The following LYPD6 variants were observed in gnomAD, a reference collection of about 807,000 sequenced individuals.
The protein encoded by LYPD6 is LY6/PLAUR domain containing 6, also known as ly6/PLAUR domain-containing protein 6.
In LYPD6, 15 loss-of-function variants were observed where a neutral mutation model predicts 22.7. The ratio of observed to expected loss-of-function variants is 0.66; its 90% confidence interval spans 0.44 to 1.02. The LOEUF (loss-of-function observed/expected upper bound fraction) is 1.02, where lower values mean the gene tolerates loss of function less well. Ranked by LOEUF, LYPD6 falls within the 50% of genes least tolerant of loss-of-function variation. LYPD6 has a pLI of 0.00. For synonymous variants in LYPD6, 72 were observed against 77.5 expected (o/e 0.93, Z 0.37); for missense variants, 189 against 208.4 (o/e 0.91, Z 0.57).
intron 1 of LYPD6, among the ~76,000 whole-genome samples, chr2:149,343,382 C>G (rs1477956826): frequency 6.6e-6 from 1 of 152,012 alleles, no homozygotes; most frequent in Non-Finnish European, 1.5e-5. Context: ...CAGAGAAATC[C>G]CTAAAATGAA....
At chr2:149,368,930 T>C (rs1021750457) in intron 1 of LYPD6, among the ~76,000 whole-genome samples, 11 of 152,102 alleles carry the variant, frequency 7.2e-5, no homozygotes, top group Non-Finnish European at 1.5e-4. Context: ...CTACAAAATA[T>C]TGGGAAAGTG....
chr2:149,433,753 C>G (rs941299852), intron 1 of LYPD6, among the ~76,000 whole-genome samples: 1 of 152,190 alleles, frequency 6.6e-6, no homozygotes, highest in African/African-American at 2.4e-5. Context: ...GCAGCCACAT[C>G]CCTGCTACTG....
intron 1 of LYPD6, among the ~76,000 whole-genome samples, chr2:149,423,566 G>C (rs146311550): frequency 1.1e-4 from 17 of 152,226 alleles, no homozygotes; most frequent in African/African-American, 3.9e-4. Context: ...GTCCTAGCCA[G>C]GGTGGCAGGA....
intron 3 of LYPD6, 48 bp downstream of exon 3, chr2:149,449,195 G>A (rs1573817334): frequency 7.7e-7 from 1 of 1,303,104 alleles, no homozygotes; most frequent in East Asian, 2.4e-5. Flanking sequence ...GTCCGTGAGT[G>A]AACAGCCCTT....
chr2:149,358,192 G>GAT (rs1447393694), intron 1 of LYPD6, among the ~76,000 whole-genome samples: 5 of 152,144 alleles, frequency 3.3e-5, no homozygotes, highest in Non-Finnish European at 7.3e-5. Flanking sequence ...AATGGATTTT[G>GAT]AAGATATCCT....
intron 1 of LYPD6, among the ~76,000 whole-genome samples, chr2:149,334,069 A>G (rs903671658): frequency 5.9e-5 from 9 of 152,210 alleles, no homozygotes; most frequent in African/African-American, 2.2e-4. Flanking sequence ...CTTGTACCCA[A>G]GCTCTGTAAA....
intron 1 of LYPD6, among the ~76,000 whole-genome samples, chr2:149,425,009 C>G (rs998667678): frequency 6.6e-6 from 1 of 152,102 alleles, no homozygotes; most frequent in East Asian, 1.9e-4. Context: ...TTCCACAGCT[C>G]GCACCTGCCC....
At chr2:149,389,234 A>G (rs1682255275) in intron 1 of LYPD6, among the ~76,000 whole-genome samples, 2 of 152,148 alleles carry the variant, frequency 1.3e-5, no homozygotes, top group South Asian at 4.1e-4. Flanking sequence ...AAGCTCTTTC[A>G]TGGCAAAAAT....
At chr2:149,482,502 A>G in the LYPD6 span, among the ~76,000 whole-genome samples, 1 of 152,214 alleles carries the variant, frequency 6.6e-6, no homozygotes, top group Non-Finnish European at 1.5e-5. Context: ...TCAGCTACAA[A>G]GCAGCAGGAA....
rs538049307 is a variant in LYPD6, at chr2:149,449,117, C to G, written c.187C>G (p.Arg63Gly). 4 of 1,613,082 alleles carry G rather than the reference C, an allele frequency of 2.5e-6. No individual in the cohort carries two copies. The highest frequency in any genetic ancestry group is 3.4e-6 in the Non-Finnish European group (4 of 1,179,508). Reference protein sequence around the residue: ...EKAADNYECNRWAPDIYCPRE... With the variant: ...EKAADNYECNGWAPDIYCPRE... ...GGCAGCAGACAATTATGAGTGCAAC[C>G]GATGGGCTCCAGACATCTACTGCCC... Residue 63 changes from arginine (R) to glycine (G), a missense_variant, in exon 3 of 5, where the codon CGA becomes GGA. Physicochemically the swap from Arg to Gly is moderately radical, Grantham distance 125. Transcript: ENST00000334166.
chr2:149,421,409 A>C (rs967916926), intron 1 of LYPD6, among the ~76,000 whole-genome samples: 1 of 151,728 alleles, frequency 6.6e-6, no homozygotes, highest in Non-Finnish European at 1.5e-5. Context: ...AAAAAAAAAA[A>C]AAGTGTGTTT....
chr2:149,370,733 A>G (rs1292413778), intron 1 of LYPD6: 1 of 152,222 alleles, frequency 6.6e-6, no homozygotes, highest in Non-Finnish European at 1.5e-5. Flanking sequence ...TCCCATGAGA[A>G]GCAAACATAA....
intron 1 of LYPD6, among the ~76,000 whole-genome samples, chr2:149,425,477 A>G (rs1486640514): frequency 6.6e-6 from 1 of 152,272 alleles, no homozygotes; most frequent in East Asian, 1.9e-4. Flanking sequence ...AAGGAGGACA[A>G]TTTTCTTATC....
intron 1 of LYPD6, among the ~76,000 whole-genome samples, chr2:149,432,080 G>A (rs2105144215): frequency 6.6e-6 from 1 of 152,254 alleles, no homozygotes; most frequent in East Asian, 1.9e-4. Context: ...CCACTAGGAT[G>A]GCTATAATTT....
intron 1 of LYPD6, among the ~76,000 whole-genome samples, chr2:149,392,405 A>G (rs2105099548): frequency 6.6e-6 from 1 of 152,278 alleles, no homozygotes; most frequent in South Asian, 2.1e-4. Flanking sequence ...ACAATCAACA[A>G]GGTTATAGAA....
Position 149,470,982 on chromosome 2 carries a change from A to G in LYPD6, c.*132A>G. The G allele has an allele frequency of 3.9e-6, 3 of 765,384 alleles. No homozygotes were observed. Among genetic ancestry groups the G allele is most frequent in the South Asian group, 4.7e-5 (2 of 42,684 alleles). The allele number at this position is 765,384 out of a possible 1,614,324, so 47.4% of individuals were successfully genotyped here. On this transcript the variant is annotated 3_prime_UTR_variant, in exon 5 of 5. Transcript: ENST00000334166. The stretch of plus-strand genomic sequence containing the variant: ...CTCTTGGAGGTCATCACAGCCAAGC[A>G]TTGCCACTTACCATGAGGAATAAAT...
chr2:149,402,783 G>T (rs201638546), intron 1 of LYPD6, among the ~76,000 whole-genome samples: 1 of 151,786 alleles, frequency 6.6e-6, no homozygotes, highest in East Asian at 1.9e-4. Context: ...ACAACGTGCA[G>T]GTTTGTTACA....
chr2:149,446,533 T>C (rs982498995), intron 2 of LYPD6, among the ~76,000 whole-genome samples: 1 of 152,242 alleles, frequency 6.6e-6, no homozygotes, highest in Non-Finnish European at 1.5e-5. Context: ...GTTTATAGTT[T>C]ACAAAATACT....
chr2:149,435,154 C>A (rs1683402174), intron 1 of LYPD6, among the ~76,000 whole-genome samples: 1 of 152,170 alleles, frequency 6.6e-6, no homozygotes, highest in East Asian at 1.9e-4. Context: ...ATCAGCAAGC[C>A]AAGAAGAGAG....
Sources: gnomAD v4.1 joint callset for allele counts (sites outside exome capture counted in the v4.1 genomes callset) on GRCh38, gnomAD v4.1.1 for gene constraint, MANE v1.5 for transcripts, NCBI Gene and HGNC (gene_info 2026-07-23, HGNC 2026-07-21) for gene names.